The following PTPRC variants were observed in gnomAD, a reference collection of about 807,000 sequenced individuals.
PTPRC encodes the protein receptor-type tyrosine-protein phosphatase C.
A neutral mutation model predicts 155.9 loss-of-function variants in PTPRC; 44 were observed. That is an observed-to-expected ratio of 0.28 (90% CI 0.22 to 0.36). The LOEUF (loss-of-function observed/expected upper bound fraction) is 0.36. PTPRC is among the 10% of genes least tolerant of loss of function. The pLI, the probability that PTPRC is intolerant of heterozygous loss-of-function variation, is 1.00. For missense variants in PTPRC, 1,401 were observed against 1,564.6 expected (o/e 0.90, Z 1.76); for synonymous variants, 525 against 533.1 (o/e 0.98, Z 0.21).
chr1:198,639,475 G>A, intron 2 of PTPRC, 134 bp downstream of exon 2: 1 of 684,462 alleles, frequency 1.5e-6, no homozygotes. Context: ...CAAGATTGTT[G>A]TCTCAGGGAG....
At chr1:198,708,361 C>T (rs1653110487) in intron 10 of PTPRC, 100 bp downstream of exon 10, 2 of 1,189,538 alleles carry the variant, frequency 1.7e-6, no homozygotes, top group Non-Finnish European at 2.4e-6. Context: ...TTCCTCCCTG[C>T]CTCTCTTGTT....
chr1:198,652,545 C>T (rs1287178831), intron 2 of PTPRC, among the ~76,000 whole-genome samples: 1 of 148,904 alleles, frequency 6.7e-6, no homozygotes, highest in African/African-American at 2.5e-5. Flanking sequence ...GATGTTAATC[C>T]AATTACGTAA....
At chr1:198,652,953 G>T (rs59147127) in intron 2 of PTPRC, among the ~76,000 whole-genome samples, 58,874 of 151,308 alleles carry the variant, frequency 0.39, 11,829 homozygotes, top group East Asian at 0.68. Flanking sequence ...TCTGGAAGTA[G>T]AACGAGTCAG....
chr1:198,688,816 C>G (rs1233422732), intron 2 of PTPRC, among the ~76,000 whole-genome samples: 1 of 152,102 alleles, frequency 6.6e-6, no homozygotes, highest in Non-Finnish European at 1.5e-5. Context: ...GCTGTAAGGA[C>G]AAGTTGATGG....
chr1:198,748,049 A>G (rs1655215069), intron 26 of PTPRC, 60 bp from the exon 27 acceptor site: 1 of 1,546,874 alleles, frequency 6.5e-7, no homozygotes, highest in African/African-American at 1.4e-5. Context: ...GCATCTTATG[A>G]TGCAATAAGC....
At chr1:198,691,082 T>C (rs1380968600) in intron 2 of PTPRC, among the ~76,000 whole-genome samples, 1 of 152,092 alleles carries the variant, frequency 6.6e-6, no homozygotes, top group East Asian at 1.9e-4. Context: ...TGATTACCTA[T>C]GCTGGCTCTC....
chr1:198,681,328 G>A (rs186813743), intron 2 of PTPRC, among the ~76,000 whole-genome samples: 47 of 152,330 alleles, frequency 3.1e-4, no homozygotes, highest in African/African-American at 1.1e-3. Context: ...ATCAGGGAAT[G>A]TGACAAGGCA....
intron 23 of PTPRC, among the ~76,000 whole-genome samples, chr1:198,737,769 A>G (rs1007158772): frequency 2.6e-5 from 4 of 151,782 alleles, no homozygotes; most frequent in African/African-American, 9.7e-5. Flanking sequence ...CATTTTAATA[A>G]TACTGAGTCT....
chr1:198,659,337 T>C (rs1269944266), intron 2 of PTPRC, among the ~76,000 whole-genome samples: 1 of 152,126 alleles, frequency 6.6e-6, no homozygotes, highest in Non-Finnish European at 1.5e-5. Flanking sequence ...AATGTTAGTA[T>C]TGCTCTATGC....
intron 2 of PTPRC, among the ~76,000 whole-genome samples, chr1:198,681,268 T>C (rs1320252841): frequency 2.0e-5 from 3 of 152,196 alleles, no homozygotes; most frequent in Non-Finnish European, 4.4e-5. Flanking sequence ...ATAAGACAAT[T>C]GATAGGAATA....
At chr1:198,676,252 T>C (rs1038760631) in intron 2 of PTPRC, among the ~76,000 whole-genome samples, 1 of 152,212 alleles carries the variant, frequency 6.6e-6, no homozygotes, top group African/African-American at 2.4e-5. Context: ...TAGTTTAGCA[T>C]AGATTCAACA....
chr1:198,722,006 A>T (rs1653912218), intron 14 of PTPRC, among the ~76,000 whole-genome samples: 1 of 151,346 alleles, frequency 6.6e-6, no homozygotes, highest in South Asian at 2.1e-4. Flanking sequence ...CCCTTAAAAA[A>T]ATGTATGTGC....
In PTPRC at chr1:198,696,764, T is replaced by C; in HGVS notation, c.153T>C (p.Pro51=). 6.2e-7 allele frequency: 1 copy of C among 1,614,124 alleles called. No homozygotes were observed. The highest frequency in any genetic ancestry group is 1.1e-5 in the South Asian group (1 of 91,082). ...PSVPLSSDPL[P]THTTAFSPAS... ...TTCCACTTTCAAGTGACCCCTTACC[T>C]ACTCACACCACTGCATTCTCACCCG... Residue 51 remains proline (P), a synonymous_variant, in exon 4 of 33, where the codon CCT becomes CCC. Coordinates refer to ENST00000442510, the MANE Select transcript of PTPRC (RefSeq NM_002838.5).
At chr1:198,649,969 G>A (rs1229681636) in intron 2 of PTPRC, among the ~76,000 whole-genome samples, 2 of 151,826 alleles carry the variant, frequency 1.3e-5, no homozygotes, top group Non-Finnish European at 2.9e-5. Context: ...TTTAGACAGA[G>A]TGATCGGGGA....
intron 2 of PTPRC, among the ~76,000 whole-genome samples, chr1:198,651,675 C>A (rs949678258): frequency 4.0e-5 from 6 of 151,766 alleles, no homozygotes; most frequent in African/African-American, 1.2e-4. Context: ...AAGCTCATGT[C>A]ATTGTATAGT....
intron 29 of PTPRC, among the ~76,000 whole-genome samples, chr1:198,751,129 G>A (rs546625977): frequency 1.3e-5 from 2 of 152,052 alleles, no homozygotes; most frequent in Admixed American, 1.3e-4. Flanking sequence ...AACTAAATGT[G>A]TGCTGTCTTC....
chr1:198,712,928 C>T (rs1034577721), intron 11 of PTPRC, 25 bp from the exon 12 acceptor site: 1 of 1,599,282 alleles, frequency 6.3e-7, no homozygotes, highest in Non-Finnish European at 8.6e-7. Context: ...TTTCATATTA[C>T]ATAACATTCT....
At chr1:198,659,065 T>C (rs1663780244) in intron 2 of PTPRC, among the ~76,000 whole-genome samples, 1 of 152,196 alleles carries the variant, frequency 6.6e-6, no homozygotes, top group African/African-American at 2.4e-5. Context: ...GAATTTGAAG[T>C]TGAGAACCAA....
At chr1:198,659,260 C>G (rs1663795385) in intron 2 of PTPRC, among the ~76,000 whole-genome samples, 1 of 152,122 alleles carries the variant, frequency 6.6e-6, no homozygotes, top group African/African-American at 2.4e-5. Context: ...TAGACACATA[C>G]TATTTTATAG....
Sources: gnomAD v4.1 joint callset for allele counts (sites outside exome capture counted in the v4.1 genomes callset) on GRCh38, gnomAD v4.1.1 for gene constraint, MANE v1.5 for transcripts, NCBI Gene and HGNC (gene_info 2026-07-23, HGNC 2026-07-21) for gene names.